The following PAK3 variants were observed in gnomAD, a reference collection of about 807,000 sequenced individuals.
PAK3 encodes p21 (RAC1) activated kinase 3.
Under a neutral mutation model 41.0 loss-of-function variants are expected in PAK3, and 4 were observed. The ratio of observed to expected loss-of-function variants is 0.10; its 90% CI spans 0.05 to 0.22. The LOEUF (loss-of-function observed/expected upper bound fraction) is 0.22, where lower values mean the gene tolerates loss of function less well. PAK3 is among the 10% of genes least tolerant of loss of function. The probability of loss-of-function intolerance (pLI) is 1.00; values close to 1 mark genes in which losing one functional copy is unlikely to be tolerated. For missense variants in PAK3, 205 were observed against 409.9 expected (o/e 0.50, Z 4.32); for synonymous variants, 146 against 139.6 (o/e 1.05, Z -0.32).
At chrX:111,089,080 G>A (rs1354848505) in intron 1 of PAK3, among the ~76,000 whole-genome samples, 5 of 112,092 alleles carry the variant, frequency 4.5e-5, no homozygotes, top group Non-Finnish European at 9.4e-5. Flanking sequence ...ATGGAAAAAT[G>A]TATGTAAAAA....
At chrX:111,147,363 G>A (rs934133481) in intron 6 of PAK3, among the ~76,000 whole-genome samples, 2 of 111,122 alleles carry the variant, frequency 1.8e-5, no homozygotes, top group Non-Finnish European at 3.8e-5. Context: ...TTACTATGCT[G>A]TGCACAAATT....
chrX:111,154,848 G>A (rs1163684517), intron 8 of PAK3, among the ~76,000 whole-genome samples: 1 of 111,129 alleles, frequency 9.0e-6, no homozygotes, highest in Non-Finnish European at 1.9e-5. Context: ...GTGCAATCTT[G>A]ACTGGGTATT....
chrX:111,066,584 A>G (rs1436403501), intron 1 of PAK3, among the ~76,000 whole-genome samples: 1 of 111,942 alleles, frequency 8.9e-6, no homozygotes, highest in East Asian at 2.8e-4. Flanking sequence ...TAGGTCCAAT[A>G]TGTCAAGCGT....
At chrX:111,090,548 G>T (rs1198496485) in intron 1 of PAK3, among the ~76,000 whole-genome samples, 1 of 111,700 alleles carries the variant, frequency 9.0e-6, no homozygotes, top group Non-Finnish European at 1.9e-5. Flanking sequence ...AGATGGTTGG[G>T]TGTGGGGATG....
intron 1 of PAK3, among the ~76,000 whole-genome samples, chrX:111,069,141 T>C (rs1266559771): frequency 1.8e-5 from 2 of 112,058 alleles, no homozygotes; most frequent in Non-Finnish European, 3.8e-5. Context: ...GTTGGTCCAC[T>C]TAGAGACATG....
chrX:111,174,438 G>A (rs1333770857), intron 11 of PAK3, among the ~76,000 whole-genome samples: 1 of 111,409 alleles, frequency 9.0e-6, no homozygotes, highest in Non-Finnish European at 1.9e-5. Context: ...TAATGACATT[G>A]TATTTGAACT....
intron 3 of PAK3, 45 bp downstream of exon 3, chrX:111,097,729 C>T (rs1174460052): frequency 2.7e-5 from 3 of 111,307 alleles, no homozygotes; most frequent in Non-Finnish European, 3.8e-5. Context: ...TATAATTGGG[C>T]AAGATCTGTG....
At chrX:111,113,629 T>A (rs962550665) in intron 4 of PAK3, among the ~76,000 whole-genome samples, 26 of 112,055 alleles carry the variant, frequency 2.3e-4, no homozygotes, top group East Asian at 1.7e-3. Flanking sequence ...ATACTTTTTT[T>A]AAATTATACT....
chrX:111,053,832 T>C (rs1332327259), intron 1 of PAK3, among the ~76,000 whole-genome samples: 1 of 111,941 alleles, frequency 8.9e-6, no homozygotes, highest in African/African-American at 3.3e-5. Flanking sequence ...CACTTATCCA[T>C]GCTCCTAATA....
intron 10 of PAK3, chrX:111,169,236 C>A: frequency 4.0e-6 from 1 of 247,357 alleles, no homozygotes; most frequent in Admixed American, 4.5e-5. Context: ...ACCATACACA[C>A]ACAAAGGAAC....
intron 1 of PAK3, among the ~76,000 whole-genome samples, chrX:110,962,893 C>A (rs946459321): frequency 1.8e-5 from 2 of 111,248 alleles, no homozygotes; most frequent in Non-Finnish European, 3.8e-5. Context: ...GGCCTTGTGT[C>A]CAGGAACTTT....
chrX:110,968,380 AT>A (rs1400680648), intron 1 of PAK3, among the ~76,000 whole-genome samples: 1 of 112,499 alleles, frequency 8.9e-6, no homozygotes, highest in Non-Finnish European at 1.9e-5. Context: ...GTAAGTGCAT[AT>A]TTAGTTTTAT....
chrX:111,174,126 A>G (rs1421538800), intron 11 of PAK3, among the ~76,000 whole-genome samples: 1 of 111,578 alleles, frequency 9.0e-6, no homozygotes, highest in Non-Finnish European at 1.9e-5. Context: ...TTCTTCAAGA[A>G]CCACACTGCT....
At chrX:110,955,910 A>T (rs1332430762) in intron 1 of PAK3, among the ~76,000 whole-genome samples, 5 of 112,129 alleles carry the variant, frequency 4.5e-5, no homozygotes, top group Non-Finnish European at 9.4e-5. Flanking sequence ...GGAGCAAAAA[A>T]GAGGGTAGGG....
intron 11 of PAK3, among the ~76,000 whole-genome samples, chrX:111,187,918 A>G (rs905643975): frequency 3.8e-5 from 4 of 104,415 alleles, no homozygotes; most frequent in Admixed American, 1.1e-4. Flanking sequence ...CCATTTTATG[A>G]CAAGAGAACC....
chrX:111,194,101 C>T (rs200197161), intron 13 of PAK3, among the ~76,000 whole-genome samples, 200 bp from the exon 14 acceptor site: 2 of 111,650 alleles, frequency 1.8e-5, no homozygotes, highest in East Asian at 5.7e-4. Flanking sequence ...ACCTCATGCT[C>T]TCTTTGCCTG....
At chrX:111,152,094 G>C (rs966226934) in intron 7 of PAK3, among the ~76,000 whole-genome samples, 2 of 112,217 alleles carry the variant, frequency 1.8e-5, no homozygotes, top group Non-Finnish European at 3.8e-5. Flanking sequence ...CTTCAGATAG[G>C]GGGGACTACT....
intron 10 of PAK3, among the ~76,000 whole-genome samples, chrX:111,172,278 G>C (rs1455274745): frequency 2.7e-5 from 3 of 112,092 alleles, no homozygotes; most frequent in East Asian, 5.6e-4. Flanking sequence ...TCGGTCTGTA[G>C]TGTTAACTCA....
At chrX:111,122,339 C>G (rs1404003647) in intron 4 of PAK3, among the ~76,000 whole-genome samples, 6 of 107,896 alleles carry the variant, frequency 5.6e-5, no homozygotes, top group African/African-American at 2.0e-4. Context: ...TTACAGCTAG[C>G]TACCTCTGTC....
Sources: gnomAD v4.1 joint callset for allele counts (sites outside exome capture counted in the v4.1 genomes callset) on GRCh38, gnomAD v4.1.1 for gene constraint, MANE v1.5 for transcripts, NCBI Gene and HGNC (gene_info 2026-07-23, HGNC 2026-07-21) for gene names.